ITGB1BP1: variants seen among roughly 807,000 people sequenced by gnomAD.
The protein encoded by ITGB1BP1 is integrin subunit beta 1 binding protein 1, also known as integrin beta-1-binding protein 1.
A neutral mutation model predicts 28.0 loss-of-function variants in ITGB1BP1; 20 were observed. The ratio of observed to expected loss-of-function variants is 0.71; its 90% CI spans 0.50 to 1.04. The LOEUF is 1.04. ITGB1BP1 is among the 50% of genes least tolerant of loss of function. The probability of loss-of-function intolerance (pLI) is 0.00; values close to 1 mark genes in which losing one functional copy is unlikely to be tolerated. For missense variants in ITGB1BP1, 228 were observed against 242.5 expected (o/e 0.94, Z 0.40); for synonymous variants, 103 against 89.5 (o/e 1.15, Z -0.85).
intron 4 of ITGB1BP1, among the ~76,000 whole-genome samples, chr2:9,411,765 G>A (rs577829073): frequency 2.0e-5 from 3 of 150,756 alleles, no homozygotes; most frequent in South Asian, 2.1e-4. Flanking sequence ...ACTGTGGGCC[G>A]GCCACAGTGG....
At chr2:9,414,112 C>G (rs574419256) in intron 3 of ITGB1BP1, 66 bp downstream of exon 3, 1 of 1,293,326 alleles carries the variant, frequency 7.7e-7, no homozygotes, top group Non-Finnish European at 1.1e-6. Context: ...ATTGTGCTAC[C>G]CCAGTAAAAC....
chr2:9,423,353 G>A lies in ITGB1BP1; in HGVS notation c.-36+20C>T. 1 of 1,198,954 alleles carries A rather than the reference G, an allele frequency of 8.3e-7. No homozygotes were observed. Among genetic ancestry groups the A allele is most frequent in the Non-Finnish European group, 1.1e-6 (1 of 946,842 alleles). The allele number at this position is 1,198,954 out of a possible 1,614,324, so 74.3% of individuals were successfully genotyped here. Reference sequence around the variant, plus strand: ...CCTCCGCGAGCTCGGCCCCAAGCGGGACGAGGGCTGGGCGCTCACCTCGCA... The same window carrying A: ...CCTCCGCGAGCTCGGCCCCAAGCGGAACGAGGGCTGGGCGCTCACCTCGCA... On this transcript the variant is annotated intron_variant, in intron 1 of 6. Transcript: ENST00000355346.
intron 6 of ITGB1BP1, chr2:9,407,242 G>T: frequency 1.6e-6 from 1 of 617,582 alleles, no homozygotes; most frequent in Non-Finnish European, 2.8e-6. Context: ...CCCGGCACAA[G>T]CGAGTGCTGC....
chr2:9,404,662 A>G lies in ITGB1BP1; in HGVS notation c.*2172T>C, dbSNP rs1202009448. On this transcript the variant is annotated 3_prime_UTR_variant, in exon 7 of 7. Coordinates refer to ENST00000355346, the MANE Select transcript of ITGB1BP1 (RefSeq NM_004763.5). ...TATAGGCTTGGAAAGTGAGGCAGCA[A>G]TGCTGTTAACTGCATTTGTTGTGAT... 6.6e-6 allele frequency: 1 copy of G among 152,536 alleles called. No individual in the cohort carries two copies. The highest frequency in any genetic ancestry group is 1.5e-5 in the Non-Finnish European group (1 of 68,018). 9.4% of individuals were successfully genotyped at this position (152,536 alleles called of 1,614,324 possible).
At chr2:9,416,400 T>G (rs1029485376) in intron 2 of ITGB1BP1, among the ~76,000 whole-genome samples, 4 of 152,084 alleles carry the variant, frequency 2.6e-5, no homozygotes, top group African/African-American at 9.7e-5. Flanking sequence ...CAGAGGACCC[T>G]CCACCGTGTG....
At chr2:9,409,727 T>C (rs1459517532) in intron 4 of ITGB1BP1, among the ~76,000 whole-genome samples, 3 of 152,160 alleles carry the variant, frequency 2.0e-5, no homozygotes, top group Admixed American at 2.0e-4. Context: ...TAGGTGGTTT[T>C]CCAAGAACCA....
chr2:9,408,093 T>C lies in ITGB1BP1; in HGVS notation c.381+20A>G. 7.7e-7 allele frequency: 1 copy of C among 1,290,584 alleles called. No individual in the cohort carries two copies. Among genetic ancestry groups the C allele is most frequent in the African/African-American group, 1.5e-5 (1 of 67,820 alleles). The allele number at this position is 1,290,584 out of a possible 1,614,324, so 79.9% of individuals were successfully genotyped here. On this transcript the variant is annotated intron_variant, in intron 5 of 6. Transcript: ENST00000355346. ...CCTGTTATCTAAAACATAGTTTTCT[T>C]AATAAATTATATTACTTACATATTG...
intron 3 of ITGB1BP1, 31 bp downstream of exon 3, chr2:9,414,147 A>G (rs1002975651): frequency 1.9e-6 from 3 of 1,569,366 alleles, no homozygotes; most frequent in Non-Finnish European, 2.6e-6. Context: ...TGAAAAGCGC[A>G]GACAATCAAT....
chr2:9,416,318 A>C (rs1679124416), intron 2 of ITGB1BP1, among the ~76,000 whole-genome samples: 1 of 152,168 alleles, frequency 6.6e-6, no homozygotes, highest in African/African-American at 2.4e-5. Context: ...GGTCAAATAC[A>C]AGTCTAGACA....
intron 1 of ITGB1BP1, chr2:9,420,008 TTGAC>T (rs1210706819): frequency 2.1e-6 from 2 of 951,478 alleles, no homozygotes; most frequent in Non-Finnish European, 2.5e-6. Flanking sequence ...TGAACACTAT[TTGAC>T]TGTCTTCAAA....
At chr2:9,422,724 T>A in intron 1 of ITGB1BP1, 2 of 985,512 alleles carry the variant, frequency 2.0e-6, no homozygotes, top group Non-Finnish European at 2.4e-6. Flanking sequence ...CAACAGCGAT[T>A]CCCATGTACC....
chr2:9,423,226 G>A (rs1680122518), intron 1 of ITGB1BP1, 147 bp downstream of exon 1: 6 of 1,107,018 alleles, frequency 5.4e-6, no homozygotes, highest in Non-Finnish European at 6.7e-6. Context: ...GGCCCCGCCC[G>A]GAACCAAGCC....
chr2:9,407,737 C>CA, intron 5 of ITGB1BP1, 139 bp from the exon 6 acceptor site: 1 of 891,584 alleles, frequency 1.1e-6, no homozygotes, highest in Admixed American at 2.5e-5. Context: ...CCTGTATGCT[C>CA]AGTCTCGGGC....
At position 9,403,615 on chromosome 2, in the gene ITGB1BP1, A is replaced by AT. The variant is rs892330666; in HGVS notation, c.*3218_*3219insA. 2.2e-4 allele frequency: 76 copies of AT among 349,094 alleles called. 1 individual carries two copies. Among genetic ancestry groups the AT allele is most frequent in the African/African-American group, 1.4e-3 (67 of 47,068 alleles). The allele number at this position is 349,094 out of a possible 1,614,324, so 21.6% of individuals were successfully genotyped here. A position where few individuals can be genotyped will look rare whatever the true frequency, so the allele number is the denominator to read the frequency against. ...TATACATAATCAAGATCCTGCCTCT[A>AT]CGGAATTAGCTAAACCTAAAAATGT... On this transcript the variant is annotated 3_prime_UTR_variant, in exon 7 of 7. Coordinates refer to ENST00000355346, the MANE Select transcript of ITGB1BP1 (RefSeq NM_004763.5).
At position 9,418,677 on chromosome 2, in the gene ITGB1BP1, T is replaced by C; in HGVS notation, c.21A>G (p.Lys7=). ...TTTGGGAACTGCTACTACTGTGTCG[T>C]TTTTTGCCCTTGCGAAACATTTTTC... MFRKGK[K]RHSSSSSQSS... is the part of the protein sequence containing the mutation. The change falls in exon 2 of 7, where the codon AAA becomes AAG. Residue 7 remains lysine, a synonymous_variant. Transcript: ENST00000355346. 1 of 1,614,028 alleles carries C rather than the reference T, an allele frequency of 6.2e-7. No individual in the cohort carries two copies.
At position 9,408,222 on chromosome 2, in the gene ITGB1BP1, A is replaced by C; in HGVS notation, c.289-17T>G. On this transcript the variant is annotated splice_polypyrimidine_tract_variant and intron_variant, in intron 4 of 6. Transcript: ENST00000355346. ...TCCATCTTGCTTTAAAGTAAAAATA[A>C]ATTCCATGATAAAGATTAAAATTAC... 2 of 1,420,634 alleles carry C rather than the reference A, an allele frequency of 1.4e-6. No individual in the cohort carries two copies. The highest frequency in any genetic ancestry group is 2.0e-6 in the Non-Finnish European group (2 of 1,007,530). 88.0% of individuals were successfully genotyped at this position (1,420,634 alleles called of 1,614,324 possible).
In ITGB1BP1 at chr2:9,412,254, AT is replaced by A. The variant is rs34086297; in HGVS notation, c.288+14del. The A allele has an allele frequency of 0.028, 34,991 of 1,235,532 alleles. No homozygotes were observed. The highest frequency in any genetic ancestry group is 0.11 in the East Asian group (2,748 of 24,404). The allele number at this position is 1,235,532 out of a possible 1,614,324, so 76.5% of individuals were successfully genotyped here. A position where few individuals can be genotyped will look rare whatever the true frequency, so the allele number is the denominator to read the frequency against. On this transcript the variant is annotated intron_variant, in intron 4 of 6. Coordinates refer to ENST00000355346, the MANE Select transcript of ITGB1BP1 (RefSeq NM_004763.5). ...ACTCTCATAACCAGAGAGTTACGGAATTTTTTTTTTTTACCTGGGCAACGTC... is the reference window on the plus strand; with the variant it reads ...ACTCTCATAACCAGAGAGTTACGGAATTTTTTTTTTTACCTGGGCAACGTC...
In ITGB1BP1 at chr2:9,422,850, G is replaced by T. The variant is rs1422651863; in HGVS notation, c.-36+523C>A. 5 of 985,970 alleles carry T rather than the reference G, an allele frequency of 5.1e-6. No homozygotes were observed. The African/African-American group carries it at 7.0e-5, about 14-fold the overall frequency. 61.1% of individuals were successfully genotyped at this position (985,970 alleles called of 1,614,324 possible). ...CCCTTTCAAACGAGGATGCCAAAGC[G>T]CCCGAAGAGTCAGTGACCTGCCCAG... On this transcript the variant is annotated intron_variant, in intron 1 of 6. Transcript: ENST00000355346.
Position 9,415,634 on chromosome 2 carries a change from G to A in ITGB1BP1, c.73-1378C>T, listed in dbSNP as rs1679031506. On this transcript the variant is annotated intron_variant, in intron 2 of 6. Coordinates refer to ENST00000355346, the MANE Select transcript of ITGB1BP1 (RefSeq NM_004763.5). The surrounding 1 kb of genome is among the most constrained non-coding windows in gnomAD (Gnocchi z 4.1). ...CCACACAGATGAGATTTCCCTGTAGGGTCCCCACGCTTAAGGCTGAGGAAG... is the reference window on the plus strand; with the variant it reads ...CCACACAGATGAGATTTCCCTGTAGAGTCCCCACGCTTAAGGCTGAGGAAG... Among the ~76,000 whole-genome samples the A allele has an allele frequency of 6.6e-6, 1 of 152,124 alleles. No individual in the cohort carries two copies. The highest frequency in any genetic ancestry group is 6.5e-5 in the Admixed American group (1 of 15,270).
Sources: gnomAD v4.1 joint callset for allele counts (sites outside exome capture counted in the v4.1 genomes callset) on GRCh38, gnomAD v4.1.1 for gene constraint, Gnocchi (gnomAD v3.1) non-coding constraint, MANE v1.5 for transcripts, NCBI Gene and HGNC (gene_info 2026-07-23, HGNC 2026-07-21) for gene names.